Variants in KIAA1328 observed in about 807,000 individuals in gnomAD.
KIAA1328 encodes KIAA1328.
Under a neutral mutation model 68.1 loss-of-function variants are expected in KIAA1328, and 52 were observed. The observed-to-expected ratio is 0.76, with a 90% CI of 0.61 to 0.96. The LOEUF (loss-of-function observed/expected upper bound fraction) is 0.96. Ranked by LOEUF, KIAA1328 falls within the 40% of genes least tolerant of loss-of-function variation. The pLI is 0.00. For missense variants in KIAA1328, 641 were observed against 677.6 expected, an observed-to-expected ratio of 0.95 and a Z score of 0.60; for synonymous variants, 232 against 239.4, an observed-to-expected ratio of 0.97 and a Z score of 0.28.
At chr18:37,073,089 A>C (rs921663847) in intron 7 of KIAA1328, among the ~76,000 whole-genome samples, 13 of 152,252 alleles carry the variant, frequency 8.5e-5, no homozygotes, top group Non-Finnish European at 1.2e-4. Context: ...AATACCATTC[A>C]GGATATAGGC....
At chr18:36,899,357 T>G (rs2048961204) in intron 5 of KIAA1328, among the ~76,000 whole-genome samples, 1 of 151,956 alleles carries the variant, frequency 6.6e-6, no homozygotes. Context: ...CAGTATGTAG[T>G]CAGTAAATAA....
intron 4 of KIAA1328, among the ~76,000 whole-genome samples, chr18:36,866,684 T>A (rs1021584474): frequency 2.6e-5 from 4 of 152,160 alleles, no homozygotes; most frequent in African/African-American, 9.6e-5. Context: ...AACTTTTGGA[T>A]AAATAGAGAA....
intron 6 of KIAA1328, among the ~76,000 whole-genome samples, chr18:36,975,312 AGCTGGGACTACAG>A (rs908194976): frequency 6.7e-6 from 1 of 149,832 alleles, no homozygotes; most frequent in Non-Finnish European, 1.5e-5. Flanking sequence ...CCTCCCAAGT[AGCTGGGACTACAG>A]GCGCCCGCCA....
At chr18:37,117,051 A>C (rs2058130284) in intron 7 of KIAA1328, among the ~76,000 whole-genome samples, 2 of 152,222 alleles carry the variant, frequency 1.3e-5, no homozygotes, top group South Asian at 4.1e-4. Context: ...GAACACTTTT[A>C]CACTGCTGGT....
At chr18:37,018,909 T>C (rs2151518505) in intron 6 of KIAA1328, among the ~76,000 whole-genome samples, 1 of 152,284 alleles carries the variant, frequency 6.6e-6, no homozygotes, top group South Asian at 2.1e-4. Context: ...ATGCTTTGGA[T>C]TCTTTATCTG....
intron 6 of KIAA1328, among the ~76,000 whole-genome samples, chr18:37,060,808 T>G (rs1342591810): frequency 1.3e-5 from 2 of 152,166 alleles, no homozygotes; most frequent in Admixed American, 1.3e-4. Flanking sequence ...AATTGTGATA[T>G]ATTCATACAG....
At chr18:37,116,821 A>G (rs1019234038) in intron 7 of KIAA1328, among the ~76,000 whole-genome samples, 6 of 152,228 alleles carry the variant, frequency 3.9e-5, no homozygotes, top group African/African-American at 1.4e-4. Flanking sequence ...ACAAGAAAAT[A>G]TCAAACAACT....
intron 6 of KIAA1328, among the ~76,000 whole-genome samples, chr18:37,038,735 G>A (rs1465045820): frequency 6.6e-6 from 1 of 151,962 alleles, no homozygotes; most frequent in Non-Finnish European, 1.5e-5. Flanking sequence ...TTTTAGTACA[G>A]TGTTGATCAG....
At chr18:36,839,160 C>G (rs2046777577) in intron 3 of KIAA1328, among the ~76,000 whole-genome samples, 1 of 152,136 alleles carries the variant, frequency 6.6e-6, no homozygotes, top group Non-Finnish European at 1.5e-5. Context: ...ATTTTTGTTT[C>G]CCTCTCTTTC....
chr18:36,830,258 C>T (rs1474437105), intron 1 of KIAA1328, among the ~76,000 whole-genome samples: 2 of 152,136 alleles, frequency 1.3e-5, no homozygotes, highest in African/African-American at 4.8e-5. Context: ...CTGTGCTGCT[C>T]GTGTTTAGTG....
At chr18:36,956,545 G>T (rs1022336717) in intron 5 of KIAA1328, among the ~76,000 whole-genome samples, 1 of 147,054 alleles carries the variant, frequency 6.8e-6, no homozygotes, top group Non-Finnish European at 1.5e-5. Context: ...GAAGGAAGTG[G>T]GGGGGGGGTG....
intron 7 of KIAA1328, among the ~76,000 whole-genome samples, chr18:37,131,636 C>G (rs2058524159): frequency 6.6e-6 from 1 of 152,088 alleles, no homozygotes; most frequent in African/African-American, 2.4e-5. Flanking sequence ...CACAACACAG[C>G]TCAACAGATA....
chr18:36,831,417 GGTGTT>G (rs1165919878), intron 1 of KIAA1328, among the ~76,000 whole-genome samples: 1 of 152,112 alleles, frequency 6.6e-6, no homozygotes, highest in Non-Finnish European at 1.5e-5. Flanking sequence ...ATGAGTGTGT[GGTGTT>G]GTCATGTTAT....
chr18:37,085,606 AC>A (rs1473972532), intron 7 of KIAA1328, among the ~76,000 whole-genome samples: 1 of 151,994 alleles, frequency 6.6e-6, no homozygotes, highest in African/African-American at 2.4e-5. Flanking sequence ...AGCAGTTTTG[AC>A]TGTTTTAGAT....
chr18:37,008,765 A>T (rs2053872074), intron 6 of KIAA1328, among the ~76,000 whole-genome samples: 1 of 152,222 alleles, frequency 6.6e-6, no homozygotes, highest in Non-Finnish European at 1.5e-5. Flanking sequence ...TAATGAAAAA[A>T]TTCAGTGGTG....
intron 7 of KIAA1328, among the ~76,000 whole-genome samples, chr18:37,114,279 T>C (rs1449470406): frequency 6.6e-6 from 1 of 152,128 alleles, no homozygotes; most frequent in African/African-American, 2.4e-5. Context: ...CCTCAGCAAA[T>C]GTAAAAGAAC....
In KIAA1328 at chr18:37,220,920, A is replaced by T. The variant is rs187805283; in HGVS notation, c.1524-1097A>T. ...CAGCTCACTGCAGCCTCCACTTTCCAGGTTCAAGCGATTCTCCTGCCTCAG... is the reference window on the plus strand; with the variant it reads ...CAGCTCACTGCAGCCTCCACTTTCCTGGTTCAAGCGATTCTCCTGCCTCAG... On this transcript the variant is annotated intron_variant, in intron 9 of 9. Transcript: ENST00000280020. Among the ~76,000 whole-genome samples, 336 of 152,258 alleles carry T rather than the reference A, an allele frequency of 2.2e-3. 2 individuals are homozygous for T. The highest frequency in any genetic ancestry group is 3.6e-3 in the Non-Finnish European group (245 of 68,024).
At position 36,936,476 on chromosome 18, in the gene KIAA1328, T is replaced by C. The variant is rs563540658; in HGVS notation, c.449-22832T>C. Among the ~76,000 whole-genome samples, 11 of 152,340 alleles carry C rather than the reference T, an allele frequency of 7.2e-5. No individual in the cohort carries two copies. In the East Asian group the frequency reaches 2.1e-3, roughly 29 times the overall value. ...GATCTCATTCCTTTTTATGGCTGCATAGTATTCCATCATGTATATGTGCCA... is the reference window on the plus strand; with the variant it reads ...GATCTCATTCCTTTTTATGGCTGCACAGTATTCCATCATGTATATGTGCCA... On this transcript the variant is annotated intron_variant, in intron 5 of 9. Coordinates refer to ENST00000280020, the MANE Select transcript of KIAA1328 (RefSeq NM_020776.3).
intron 5 of KIAA1328, among the ~76,000 whole-genome samples, chr18:36,915,856 T>G (rs2049675274): frequency 6.6e-6 from 1 of 152,186 alleles, no homozygotes; most frequent in Admixed American, 6.5e-5. Flanking sequence ...TGAAAAGTTA[T>G]GATCACACAA....
Sources: allele counts gnomAD v4.1 joint callset (sites outside exome capture counted in the v4.1 genomes callset), GRCh38; gene constraint gnomAD v4.1.1; transcripts MANE v1.5; gene names NCBI Gene and HGNC (gene_info 2026-07-23, HGNC 2026-07-21).